Variants in SLC22A4 observed in about 807,000 individuals in gnomAD.
SLC22A4 encodes solute carrier family 22 member 4.
Under a neutral mutation model 56.6 loss-of-function variants are expected in SLC22A4, and 39 were observed. That is an observed-to-expected ratio of 0.69 (90% CI 0.53 to 0.90). SLC22A4 has a LOEUF of 0.90. Ranked by LOEUF, SLC22A4 falls within the 40% of genes least tolerant of loss-of-function variation. The probability of loss-of-function intolerance (pLI) is 0.00; values close to 1 mark genes in which losing one functional copy is unlikely to be tolerated. For missense variants in SLC22A4, 594 were observed against 696.5 expected, an observed-to-expected ratio of 0.85 and a Z score of 1.66; for synonymous variants, 241 against 281.4, an observed-to-expected ratio of 0.86 and a Z score of 1.44.
chr5:132,331,007 G>A (rs1280169458), intron 5 of SLC22A4, among the ~76,000 whole-genome samples: 3 of 152,168 alleles, frequency 2.0e-5, no homozygotes, highest in East Asian at 1.9e-4. Flanking sequence ...CCCAAGGCCC[G>A]CCAGTAAACT....
intron 1 of SLC22A4, among the ~76,000 whole-genome samples, chr5:132,303,887 G>T (rs1378592472): frequency 6.6e-6 from 1 of 152,184 alleles, no homozygotes; most frequent in African/African-American, 2.4e-5. Flanking sequence ...GCCCAGCGGG[G>T]AGAGATAATC....
At chr5:132,310,936 T>A (rs1580825456) in intron 1 of SLC22A4, among the ~76,000 whole-genome samples, 1 of 152,086 alleles carries the variant, frequency 6.6e-6, no homozygotes, top group Non-Finnish European at 1.5e-5. Flanking sequence ...TAGTCTAGGG[T>A]CAGTCTTACC....
chr5:132,294,672 G>A lies in SLC22A4; in HGVS notation c.56G>A (p.Arg19His), dbSNP rs779117302. 33 of 1,614,144 alleles carry A rather than the reference G, an allele frequency of 2.0e-5. No homozygotes were observed. The highest frequency in any genetic ancestry group is 2.7e-5 in the Non-Finnish European group (32 of 1,180,040). Reference sequence around the variant, plus strand: ...CTGGGCGAGTGGGGGCCCTTCCAGCGCCTCATCTTCTTCCTGCTCAGCGCC... The same window carrying A: ...CTGGGCGAGTGGGGGCCCTTCCAGCACCTCATCTTCTTCCTGCTCAGCGCC... Reference protein sequence around the residue: ...AFLGEWGPFQRLIFFLLSASI... With the variant: ...AFLGEWGPFQHLIFFLLSASI... The change falls in exon 1 of 10, where the codon CGC (arginine) becomes CAC (histidine). Residue 19 changes from arginine to histidine, a missense_variant. Coordinates refer to ENST00000200652, the MANE Select transcript of SLC22A4 (RefSeq NM_003059.3). The surrounding 1 kb of genome is among the most constrained non-coding windows in gnomAD (Gnocchi z 5.6).
chr5:132,331,949 C>A, intron 6 of SLC22A4, 99 bp downstream of exon 6: 1 of 818,288 alleles, frequency 1.2e-6, no homozygotes, highest in East Asian at 2.5e-5. Context: ...CTGGGTTTTC[C>A]TGAGGAAAAA....
chr5:132,312,597 T>C (rs974876270), intron 2 of SLC22A4, among the ~76,000 whole-genome samples: 2 of 152,104 alleles, frequency 1.3e-5, no homozygotes, highest in African/African-American at 4.8e-5. Context: ...CCCTCCCTGC[T>C]CCACCACCAC....
intron 1 of SLC22A4, among the ~76,000 whole-genome samples, chr5:132,305,769 G>A (rs540906131): frequency 1.3e-5 from 2 of 152,302 alleles, no homozygotes; most frequent in South Asian, 4.1e-4. Context: ...TTCTAGCAGT[G>A]ATGTCTTACA....
chr5:132,336,584 G>T (rs1262192701), intron 8 of SLC22A4, among the ~76,000 whole-genome samples: 2 of 152,234 alleles, frequency 1.3e-5, no homozygotes, highest in African/African-American at 4.8e-5. Context: ...CATTATATAT[G>T]TTAAAACTTT....
At chr5:132,336,578 A>G (rs1751032803) in intron 8 of SLC22A4, among the ~76,000 whole-genome samples, 1 of 152,236 alleles carries the variant, frequency 6.6e-6, no homozygotes, top group African/African-American at 2.4e-5. Context: ...AAATAACATT[A>G]TATATGTTAA....
intron 1 of SLC22A4, 69 bp downstream of exon 1, chr5:132,295,078 A>C: frequency 6.6e-7 from 1 of 1,522,514 alleles, no homozygotes; most frequent in Non-Finnish European, 8.9e-7. Context: ...CCCCCTTGAG[A>C]CTCCCTGCGC....
chr5:132,321,882 C>T (rs549939027), intron 3 of SLC22A4, among the ~76,000 whole-genome samples: 7 of 151,646 alleles, frequency 4.6e-5, no homozygotes, highest in East Asian at 3.9e-4. Flanking sequence ...CACTGCAGCC[C>T]GGGCAACAGA....
rs1407519927 is a variant in SLC22A4 at position 132,313,835 on chromosome 5, T to TCATTGGGC, written c.652+76_652+83dup. 6 of 1,505,966 alleles carry TCATTGGGC rather than the reference T, an allele frequency of 4.0e-6. No individual in the cohort carries two copies. The African/African-American group carries it at 8.2e-5, about 21-fold the overall frequency. The allele number at this position is 1,505,966 out of a possible 1,614,324, so 93.3% of individuals were successfully genotyped here. A position where few individuals can be genotyped will look rare whatever the true frequency, so the allele number is the denominator to read the frequency against. Reference sequence around the variant, plus strand: ...CTCTGAAAGGCCCAGAAAGAGGAAATCATTGGGCCATTGGGCTGTGCTTCC... The same window carrying TCATTGGGC: ...CTCTGAAAGGCCCAGAAAGAGGAAATCATTGGGCCATTGGGCCATTGGGCTGTGCTTCC... On this transcript the variant is annotated intron_variant, in intron 3 of 9. Coordinates refer to ENST00000200652, the MANE Select transcript of SLC22A4 (RefSeq NM_003059.3).
At chr5:132,326,026 T>C (rs748409816) in intron 4 of SLC22A4, among the ~76,000 whole-genome samples, 1 of 152,250 alleles carries the variant, frequency 6.6e-6, no homozygotes, top group African/African-American at 2.4e-5. Flanking sequence ...AAAGTAGTTA[T>C]AAATATGAGT....
chr5:132,326,050 G>A (rs1750679389), intron 4 of SLC22A4, among the ~76,000 whole-genome samples: 1 of 152,220 alleles, frequency 6.6e-6, no homozygotes. Flanking sequence ...AAACTGTCCT[G>A]AGCTGCTACT....
intron 1 of SLC22A4, among the ~76,000 whole-genome samples, chr5:132,310,396 A>G (rs1214458521): frequency 6.6e-6 from 1 of 152,246 alleles, no homozygotes; most frequent in Non-Finnish European, 1.5e-5. Context: ...GGAGATGGCC[A>G]TGAATGCAGG....
At chr5:132,329,990 C>G (rs1016313761) in intron 5 of SLC22A4, among the ~76,000 whole-genome samples, 1 of 152,252 alleles carries the variant, frequency 6.6e-6, no homozygotes, top group Non-Finnish European at 1.5e-5. Context: ...CAGGTCCTGT[C>G]TGTGTGCACC....
intron 8 of SLC22A4, among the ~76,000 whole-genome samples, chr5:132,337,011 T>TA (rs1449727945): frequency 6.6e-6 from 1 of 152,222 alleles, no homozygotes; most frequent in African/African-American, 2.4e-5. Flanking sequence ...GGAGGACATG[T>TA]AGGTCATTTC....
chr5:132,317,947 AC>A (rs1405948711), intron 3 of SLC22A4, among the ~76,000 whole-genome samples: 1 of 152,234 alleles, frequency 6.6e-6, no homozygotes, highest in Non-Finnish European at 1.5e-5. Context: ...AACTGGGGAG[AC>A]CCAGGGAAGA....
rs766418958 is a variant in SLC22A4, at chr5:132,331,848, A to G, written c.1044A>G (p.Leu348=). The G allele has an allele frequency of 1.8e-5, 29 of 1,589,578 alleles. No homozygotes were observed. The highest frequency in any genetic ancestry group is 2.4e-5 in the Non-Finnish European group (28 of 1,157,808). ...IAIMTIMSLL[L]WMLTSVGYFA... ...TAATGACCATTATGTCTTTGCTGCT[A>G]TGGTAAGTAATAAGTGACCTGGAAA... Residue 348 remains leucine (L), a splice_region_variant and synonymous_variant, in exon 6 of 10, where the codon CTA becomes CTG. Coordinates refer to ENST00000200652, the MANE Select transcript of SLC22A4 (RefSeq NM_003059.3).
chr5:132,311,225 C>T (rs1228084563), intron 1 of SLC22A4: 1 of 152,222 alleles, frequency 6.6e-6, no homozygotes, highest in Non-Finnish European at 1.5e-5. Flanking sequence ...TTCCTCCAGA[C>T]TGGATCATCT....
Sources: gnomAD v4.1 joint callset for allele counts (sites outside exome capture counted in the v4.1 genomes callset) on GRCh38, gnomAD v4.1.1 for gene constraint, Gnocchi (gnomAD v3.1) non-coding constraint, MANE v1.5 for transcripts, NCBI Gene and HGNC (gene_info 2026-07-23, HGNC 2026-07-21) for gene names.